Variants in TMOD1 observed in about 807,000 individuals in gnomAD.
TMOD1 encodes the protein tropomodulin-1.
A neutral mutation model predicts 40.6 loss-of-function variants in TMOD1; 17 were observed. That is an observed-to-expected ratio of 0.42 (90% CI 0.29 to 0.63). The LOEUF is 0.63. Ranked by LOEUF, TMOD1 falls within the 20% of genes least tolerant of loss-of-function variation. The pLI is 0.22. For synonymous variants in TMOD1, 181 were observed against 175.0 expected, an observed-to-expected ratio of 1.03 and a Z score of -0.27; for missense variants, 391 against 447.6, an observed-to-expected ratio of 0.87 and a Z score of 1.14.
intron 1 of TMOD1, among the ~76,000 whole-genome samples, chr9:97,503,775 G>A (rs1034291668): frequency 2.6e-5 from 4 of 152,244 alleles, no homozygotes; most frequent in African/African-American, 9.6e-5. Context: ...TGGCCTGGAG[G>A]TTAGGATATC....
chr9:97,553,526 G>A (rs369891371), intron 4 of TMOD1, 126 bp downstream of exon 4: 8 of 1,337,944 alleles, frequency 6.0e-6, no homozygotes, highest in East Asian at 4.8e-5. Flanking sequence ...AGAGGAGACC[G>A]AGAGTGTTCA....
intron 9 of TMOD1, among the ~76,000 whole-genome samples, chr9:97,592,704 C>T (rs1431479998): frequency 1.3e-5 from 2 of 152,114 alleles, no homozygotes; most frequent in Admixed American, 6.5e-5. Context: ...TGTGCACAGA[C>T]CCCACATGCA....
At chr9:97,506,524 C>T (rs916686000) in intron 1 of TMOD1, among the ~76,000 whole-genome samples, 2 of 152,236 alleles carry the variant, frequency 1.3e-5, no homozygotes, top group African/African-American at 2.4e-5. Context: ...CCGACCAAAT[C>T]ATCAGCTCTA....
At chr9:97,577,341 G>C (rs1200916118) in intron 8 of TMOD1, among the ~76,000 whole-genome samples, 4 of 152,178 alleles carry the variant, frequency 2.6e-5, no homozygotes, top group Non-Finnish European at 5.9e-5. Context: ...TCTGCCTTCT[G>C]GTCATTCTCA....
At chr9:97,537,614 G>A (rs1267108776) in intron 2 of TMOD1, among the ~76,000 whole-genome samples, 9 of 152,142 alleles carry the variant, frequency 5.9e-5, no homozygotes, top group Non-Finnish European at 1.2e-4. Context: ...CTGCACATCC[G>A]AGTTATAATT....
At chr9:97,597,468 G>A (rs1247781721) in intron 9 of TMOD1, among the ~76,000 whole-genome samples, 1 of 151,676 alleles carries the variant, frequency 6.6e-6, no homozygotes, top group Non-Finnish European at 1.5e-5. Flanking sequence ...GGAAGCCGAG[G>A]CAGGCAGATC....
chr9:97,546,480 A>C, intron 3 of TMOD1, 139 bp downstream of exon 3: 1 of 819,754 alleles, frequency 1.2e-6, no homozygotes, highest in Non-Finnish European at 1.8e-6. Context: ...TGGCCAAAAC[A>C]CCCAAACCCA....
chr9:97,506,651 C>T (rs1030976383), intron 1 of TMOD1, among the ~76,000 whole-genome samples: 1 of 152,174 alleles, frequency 6.6e-6, no homozygotes, highest in African/African-American at 2.4e-5. Flanking sequence ...TCACAGTAAC[C>T]CCATGAGGGA....
At chr9:97,560,740 T>C (rs1830626945) in intron 4 of TMOD1, among the ~76,000 whole-genome samples, 1 of 151,456 alleles carries the variant, frequency 6.6e-6, no homozygotes, top group African/African-American at 2.4e-5. Flanking sequence ...ATGACACTCC[T>C]GTAATCCCAG....
At chr9:97,563,312 C>T (rs1176477985) in intron 5 of TMOD1, among the ~76,000 whole-genome samples, 2 of 152,184 alleles carry the variant, frequency 1.3e-5, no homozygotes, top group Non-Finnish European at 2.9e-5. Context: ...CTCAGCCTCC[C>T]AAAGTGCTGG....
intron 3 of TMOD1, among the ~76,000 whole-genome samples, chr9:97,549,442 A>T (rs1287246912): frequency 6.6e-6 from 1 of 152,196 alleles, no homozygotes; most frequent in Non-Finnish European, 1.5e-5. Flanking sequence ...GGGGTATAAT[A>T]AACCACAGGT....
At chr9:97,578,274 C>T (rs1217584890) in intron 8 of TMOD1, among the ~76,000 whole-genome samples, 3 of 152,150 alleles carry the variant, frequency 2.0e-5, no homozygotes, top group Admixed American at 6.5e-5. Flanking sequence ...AGGATGGTCT[C>T]GATCTCCTGA....
intron 8 of TMOD1, among the ~76,000 whole-genome samples, chr9:97,586,376 C>A (rs1276981031): frequency 6.6e-6 from 1 of 151,832 alleles, no homozygotes; most frequent in African/African-American, 2.4e-5. Flanking sequence ...AGATCTCCAG[C>A]TGCGTGCTGG....
intron 9 of TMOD1, among the ~76,000 whole-genome samples, chr9:97,592,016 A>T (rs2805791): frequency 0.48 from 73,536 of 151,936 alleles, 18,206 homozygotes; most frequent in African/African-American, 0.58. Context: ...CATTATCAGG[A>T]AATTTTAAAA....
intron 2 of TMOD1, among the ~76,000 whole-genome samples, chr9:97,532,271 A>G (rs752659822): frequency 3.9e-5 from 6 of 152,196 alleles, no homozygotes; most frequent in Non-Finnish European, 8.8e-5. Flanking sequence ...CAGGCCAGGC[A>G]TCTGTGTGTC....
chr9:97,553,898 T>C (rs1474554295), intron 4 of TMOD1, among the ~76,000 whole-genome samples: 1 of 152,190 alleles, frequency 6.6e-6, no homozygotes, highest in Non-Finnish European at 1.5e-5. Context: ...CATCTTCATA[T>C]GTGTTTCCAT....
At chr9:97,548,650 C>G (rs1182961699) in intron 3 of TMOD1, among the ~76,000 whole-genome samples, 7 of 152,158 alleles carry the variant, frequency 4.6e-5, no homozygotes, top group Admixed American at 2.6e-4. Flanking sequence ...CCTGCCACTC[C>G]TCCAGCTCTG....
At position 97,518,183 on chromosome 9, in the gene TMOD1, T is replaced by A. The variant is rs371574686; in HGVS notation, c.-48-5958T>A. Among the ~76,000 whole-genome samples the A allele has an allele frequency of 7.9e-5, 12 of 152,308 alleles. 1 individual carries two copies. The East Asian group carries it at 1.2e-3, about 15-fold the overall frequency. On this transcript the variant is annotated intron_variant, in intron 1 of 9. Transcript: ENST00000259365. ...CACCTGTGAATGTGACCTGTGAATG[T>A]GATAAGGTCCTTAGGGAAGCCCTAA...
At chr9:97,506,747 C>T (rs1829598403) in intron 1 of TMOD1, among the ~76,000 whole-genome samples, 1 of 152,354 alleles carries the variant, frequency 6.6e-6, no homozygotes, top group East Asian at 1.9e-4. Flanking sequence ...TTCCAGAAAA[C>T]TGAAGTGCTC....
Sources: allele counts gnomAD v4.1 joint callset (sites outside exome capture counted in the v4.1 genomes callset), GRCh38; gene constraint gnomAD v4.1.1; transcripts MANE v1.5; gene names NCBI Gene and HGNC (gene_info 2026-07-23, HGNC 2026-07-21).